The following CCL22 variants were observed in gnomAD, a reference collection of about 807,000 sequenced individuals.
CCL22 encodes the protein C-C motif chemokine 22.
A neutral mutation model predicts 7.6 loss-of-function variants in CCL22; 7 were observed. That is an observed-to-expected ratio of 0.92 (90% CI 0.52 to 1.72). CCL22 has a LOEUF of 1.72. Among genes scored for constraint, CCL22 ranks in the 40% most tolerant of loss-of-function variants. CCL22 has a pLI of 0.00. For synonymous variants in CCL22, 55 were observed against 47.2 expected, an observed-to-expected ratio of 1.17 and a Z score of -0.68; for missense variants, 115 against 124.7, an observed-to-expected ratio of 0.92 and a Z score of 0.37.
intron 2 of CCL22, among the ~76,000 whole-genome samples, chr16:57,361,017 TG>T (rs1902043411): frequency 6.6e-6 from 1 of 152,142 alleles, no homozygotes; most frequent in African/African-American, 2.4e-5. Flanking sequence ...CCCAGCACTT[TG>T]GGAGGCCGAG....
chr16:57,362,791 T>A (rs1477070198), intron 2 of CCL22, among the ~76,000 whole-genome samples: 1 of 151,244 alleles, frequency 6.6e-6, no homozygotes. Context: ...AACCCAGGAG[T>A]TGGAGGTTGC....
chr16:57,363,494 C>A lies in CCL22; in HGVS notation c.198-10C>A. 6.2e-7 allele frequency: 1 copy of A among 1,601,920 alleles called. No individual in the cohort carries two copies. Among genetic ancestry groups the A allele is most frequent in the Non-Finnish European group, 8.6e-7 (1 of 1,169,490 alleles). ...GTTGCTGCATTGTCTCTGGGGTCTC[C>A]TTCTTCCAGGTTGCTAACCTTCAGG... On this transcript the variant is annotated splice_polypyrimidine_tract_variant and intron_variant, in intron 2 of 2. Transcript: ENST00000219235.
At chr16:57,362,675 A>T (rs1255992730) in intron 2 of CCL22, among the ~76,000 whole-genome samples, 1 of 152,092 alleles carries the variant, frequency 6.6e-6, no homozygotes, top group African/African-American at 2.4e-5. Context: ...AGCCTGGCCA[A>T]CATGGTGAAA....
intron 2 of CCL22, among the ~76,000 whole-genome samples, chr16:57,361,676 GC>G (rs1239807432): frequency 6.6e-6 from 1 of 152,142 alleles, no homozygotes; most frequent in African/African-American, 2.4e-5. Flanking sequence ...GACAAGTCCT[GC>G]CCTCTCTGCG....
Position 57,360,437 on chromosome 16 carries a change from GC to G in CCL22, c.78del (p.Tyr27ThrfsTer24), listed in dbSNP as rs766960132. On this transcript the variant is annotated frameshift_variant and splice_region_variant, in exon 2 of 3. Coordinates refer to ENST00000219235, the MANE Select transcript of CCL22 (RefSeq NM_002990.5). LOFTEE classifies it high-confidence loss of function. ...LAVALQATEAGPYGANMEDSV... is the reference protein window; with the variant it reads ...LAVALQATEAXPYGANMEDSV... Reference sequence around the variant, plus strand: ...AATTCACTGGGGACCCCTCCCCTAGGCCCCTACGGCGCCAACATGGAAGACA... The same window carrying G: ...AATTCACTGGGGACCCCTCCCCTAGGCCCTACGGCGCCAACATGGAAGACA... 3.1e-6 allele frequency: 5 copies of G among 1,614,158 alleles called. No homozygotes were observed. The highest frequency in any genetic ancestry group is 4.2e-6 in the Non-Finnish European group (5 of 1,180,014).
Position 57,364,796 on chromosome 16 carries a change from C to CCCG in CCL22, c.*1210_*1211insGCC, listed in dbSNP as rs375455988. The stretch of plus-strand genomic sequence containing the variant: ...GCCTGGCCTCTTCCCTCTCCCCACC[C>CCCG]CCCCCCCAACTTTTTTTTTTTTTTA... On this transcript the variant is annotated 3_prime_UTR_variant, in exon 3 of 3. Transcript: ENST00000219235. The CCCG allele has an allele frequency of 2.8e-5, 1 of 35,630 alleles. No individual in the cohort carries two copies. The highest frequency in any genetic ancestry group is 6.2e-5 in the Non-Finnish European group (1 of 16,248). The allele number at this position is 35,630 out of a possible 1,614,324, so 2.2% of individuals were successfully genotyped here.
At chr16:57,361,637 C>T (rs1443459295) in intron 2 of CCL22, among the ~76,000 whole-genome samples, 1 of 152,214 alleles carries the variant, frequency 6.6e-6, no homozygotes, top group African/African-American at 2.4e-5. Flanking sequence ...TTTCCCTGGC[C>T]TGGGGCCTGC....
chr16:57,358,906 G>A lies in CCL22; in HGVS notation c.73+17G>A. On this transcript the variant is annotated intron_variant, in intron 1 of 2. Coordinates refer to ENST00000219235, the MANE Select transcript of CCL22 (RefSeq NM_002990.5). Reference sequence around the variant, plus strand: ...CTGAGGCAGGTGAGGCTGGGGAGCAGGAAGACCCCCTACAGAGGCCAGGGC... The same window carrying A: ...CTGAGGCAGGTGAGGCTGGGGAGCAAGAAGACCCCCTACAGAGGCCAGGGC... The A allele has an allele frequency of 1.2e-6, 2 of 1,605,164 alleles. No individual in the cohort carries two copies. Among genetic ancestry groups the A allele is most frequent in the Non-Finnish European group, 1.7e-6 (2 of 1,172,944 alleles).
chr16:57,360,604 G>T (rs146481847), intron 2 of CCL22, 44 bp downstream of exon 2: 4 of 1,612,376 alleles, frequency 2.5e-6, no homozygotes, highest in Non-Finnish European at 3.4e-6. Flanking sequence ...GGGCCTGACG[G>T]GTACAGCCTG....
intron 2 of CCL22, among the ~76,000 whole-genome samples, chr16:57,363,016 G>A (rs1462705707): frequency 3.3e-5 from 5 of 151,116 alleles, no homozygotes; most frequent in Admixed American, 6.6e-5. Flanking sequence ...TTCTTGACAC[G>A]GGGTCTCATT....
chr16:57,362,746 G>A (rs554801503), intron 2 of CCL22, among the ~76,000 whole-genome samples: 51 of 151,054 alleles, frequency 3.4e-4, no homozygotes, highest in African/African-American at 1.2e-3. Context: ...CTGTAATCCC[G>A]GCTACTCGGG....
Position 57,360,580 on chromosome 16 carries a change from C to CA in CCL22, c.197+21dup. 4 of 1,613,866 alleles carry CA rather than the reference C, an allele frequency of 2.5e-6. No homozygotes were observed. The highest frequency in any genetic ancestry group is 3.4e-6 in the Non-Finnish European group (4 of 1,179,910). On this transcript the variant is annotated intron_variant, in intron 2 of 2. Coordinates refer to ENST00000219235, the MANE Select transcript of CCL22 (RefSeq NM_002990.5). ...CGTGGTGTGAGTAGGGAGCTGGGGCCACAGGGCCTTGGTGGGCCTGACGGG... is the reference window on the plus strand; with the variant it reads ...CGTGGTGTGAGTAGGGAGCTGGGGCCAACAGGGCCTTGGTGGGCCTGACGGG...
chr16:57,360,178 C>G (rs1902032272), intron 1 of CCL22, among the ~76,000 whole-genome samples: 1 of 152,230 alleles, frequency 6.6e-6, no homozygotes, highest in Admixed American at 6.5e-5. Flanking sequence ...CAGGCTACAG[C>G]TGATGCTTAG....
chr16:57,358,690 G>C (rs73557184), upstream of CCL22: 64 of 724,264 alleles, frequency 8.8e-5, no homozygotes, highest in Middle Eastern at 1.2e-3. Context: ...TGAATGTCAA[G>C]TGACTCTGGG....
intron 2 of CCL22, 90 bp downstream of exon 2, chr16:57,360,650 G>A: frequency 6.8e-7 from 1 of 1,466,662 alleles, no homozygotes; most frequent in East Asian, 2.3e-5. Flanking sequence ...GACACACCCA[G>A]GGATGAGAGG....
upstream of CCL22, chr16:57,358,753 C>T: frequency 4.7e-6 from 6 of 1,283,526 alleles, no homozygotes; most frequent in South Asian, 1.2e-5. Context: ...GAGCCAGCAC[C>T]TTAAATAGCA....
intron 1 of CCL22, 73 bp downstream of exon 1, chr16:57,358,962 A>G: frequency 2.5e-6 from 3 of 1,177,672 alleles, no homozygotes; most frequent in Non-Finnish European, 3.8e-6. Flanking sequence ...CATGTCTTGG[A>G]CAAGCACTGG....
At chr16:57,358,939 G>T (rs1230275507) in intron 1 of CCL22, 50 bp downstream of exon 1, 1 of 1,390,480 alleles carries the variant, frequency 7.2e-7, no homozygotes, top group Non-Finnish European at 1.0e-6. Context: ...GGCAGACGGT[G>T]GGGTGTCTTC....
chr16:57,361,233 T>C (rs1902045578), intron 2 of CCL22, among the ~76,000 whole-genome samples: 1 of 132,032 alleles, frequency 7.6e-6, no homozygotes, highest in Non-Finnish European at 1.5e-5. Flanking sequence ...CACTCCAGCC[T>C]GGGCAACAGA....
Sources: gnomAD v4.1 joint callset for allele counts (sites outside exome capture counted in the v4.1 genomes callset) on GRCh38, gnomAD v4.1.1 for gene constraint, MANE v1.5 for transcripts, NCBI Gene and HGNC (gene_info 2026-07-23, HGNC 2026-07-21) for gene names.